The following NFS1 variants were observed in gnomAD, a reference collection of about 807,000 sequenced individuals.
NFS1 encodes the protein cysteine desulfurase.
In NFS1, 26 loss-of-function variants were observed where a neutral mutation model predicts 57.3. The observed-to-expected ratio is 0.45, with a 90% CI of 0.33 to 0.63. The LOEUF is 0.63. Among genes scored for constraint, NFS1 ranks in the 20% least tolerant of loss-of-function variants. The pLI is 0.02. For missense variants in NFS1, 505 were observed against 605.8 expected (o/e 0.83, Z 1.75); for synonymous variants, 209 against 216.3 (o/e 0.97, Z 0.30).
In NFS1 at chr20:35,675,211, C is replaced by A. The variant is rs199843651; in HGVS notation, c.791-9G>T. Reference sequence around the variant, plus strand: ...GTAGATGGCACCAACCCCTGGGAAACAAAATTTGTTACAAAAAACAGAAAG... The same window carrying A: ...GTAGATGGCACCAACCCCTGGGAAAAAAAATTTGTTACAAAAAACAGAAAG... On this transcript the variant is annotated splice_polypyrimidine_tract_variant and intron_variant, in intron 7 of 12. Transcript: ENST00000374092. 1.4e-4 allele frequency: 227 copies of A among 1,578,726 alleles called. 1 individual carries two copies. In the East Asian group the frequency reaches 4.9e-3, roughly 34 times the overall value.
intron 7 of NFS1, chr20:35,675,984 T>A (rs1187042874): frequency 1.4e-4 from 21 of 151,888 alleles, no homozygotes; most frequent in Admixed American, 9.8e-4. Flanking sequence ...TACTTTAGCT[T>A]GAAAAAACAA....
At chr20:35,696,118 A>G (rs2035129727) in intron 4 of NFS1, among the ~76,000 whole-genome samples, 1 of 152,180 alleles carries the variant, frequency 6.6e-6, no homozygotes. Flanking sequence ...AAAAAAAAAC[A>G]AGTGGTTAAT....
At chr20:35,696,541 G>T in intron 3 of NFS1, 81 bp from the exon 4 acceptor site, 1 of 975,568 alleles carries the variant, frequency 1.0e-6, no homozygotes, top group Non-Finnish European at 1.6e-6. Flanking sequence ...GACAGCCCTG[G>T]AGCAAGAAGA....
intron 2 of NFS1, among the ~76,000 whole-genome samples, chr20:35,698,201 T>A (rs1373963846): frequency 1.3e-5 from 2 of 152,196 alleles, no homozygotes; most frequent in Non-Finnish European, 2.9e-5. Flanking sequence ...CTTGTCCAAG[T>A]TCACACAGTT....
At chr20:35,677,353 G>A (rs1024266778) in intron 7 of NFS1, among the ~76,000 whole-genome samples, 3 of 151,728 alleles carry the variant, frequency 2.0e-5, no homozygotes, top group Non-Finnish European at 4.4e-5. Flanking sequence ...GAAACACAGT[G>A]AGACCCCGTG....
chr20:35,684,822 G>T (rs1387481887), intron 5 of NFS1, among the ~76,000 whole-genome samples: 1 of 151,852 alleles, frequency 6.6e-6, no homozygotes, highest in East Asian at 1.9e-4. Context: ...CTAGCACTTT[G>T]GGAGGCTGAG....
In NFS1 at chr20:35,675,138, C is replaced by T. The variant is rs765489598; in HGVS notation, c.855G>A (p.Gly285=). ...RVRVEALQSG[G]GQERGMRSGT... ...CAGACCGCATACCCCGCTCCTGCCCCCCTCCACTCTGCAGGGCCTCCACAC... is the reference window on the plus strand; with the variant it reads ...CAGACCGCATACCCCGCTCCTGCCCTCCTCCACTCTGCAGGGCCTCCACAC... Residue 285 remains glycine, a synonymous_variant, in exon 8 of 13, where the codon GGG becomes GGA. Transcript: ENST00000374092. 1.5e-5 allele frequency: 24 copies of T among 1,613,856 alleles called. No individual in the cohort carries two copies. The highest frequency in any genetic ancestry group is 1.9e-5 in the Non-Finnish European group (22 of 1,180,026).
chr20:35,692,870 C>G (rs1488680873), intron 4 of NFS1, among the ~76,000 whole-genome samples: 2 of 151,764 alleles, frequency 1.3e-5, no homozygotes, highest in Non-Finnish European at 2.9e-5. Flanking sequence ...GGTGTGGTAG[C>G]AGGCTCCTGT....
intron 7 of NFS1, 71 bp from the exon 8 acceptor site, chr20:35,675,273 A>G: frequency 7.0e-7 from 1 of 1,437,732 alleles, no homozygotes; most frequent in East Asian, 2.5e-5. Context: ...TTCTTTCCAA[A>G]GGGATCAAAA....
In NFS1 at chr20:35,697,960, C is replaced by G. The variant is rs2297849; in HGVS notation, c.208-160G>C. Among the ~76,000 whole-genome samples the G allele has an allele frequency of 3.0e-3, 459 of 152,308 alleles. 3 individuals carry two copies. The East Asian group carries it at 0.04, about 13-fold the overall frequency. On this transcript the variant is annotated intron_variant, in intron 2 of 12. Coordinates refer to ENST00000374092, the MANE Select transcript of NFS1 (RefSeq NM_021100.5). ...TCTTTTGTTCCCACAAAACTACCCACCAAATATCAACCTAATACACTCCCA... is the reference window on the plus strand; with the variant it reads ...TCTTTTGTTCCCACAAAACTACCCAGCAAATATCAACCTAATACACTCCCA...
chr20:35,681,985 G>A lies in NFS1; in HGVS notation c.562-4C>T. 6.4e-7 allele frequency: 1 copy of A among 1,562,304 alleles called. No homozygotes were observed. The highest frequency in any genetic ancestry group is 8.8e-7 in the Non-Finnish European group (1 of 1,133,230). On this transcript the variant is annotated splice_region_variant and splice_polypyrimidine_tract_variant and intron_variant, in intron 5 of 12. Transcript: ENST00000374092. Reference sequence around the variant, plus strand: ...GCTGGATAGCAGCCTCTAGTTCCTAGGGATATGCAGGAGTAAGGTGACTAG... The same window carrying A: ...GCTGGATAGCAGCCTCTAGTTCCTAAGGATATGCAGGAGTAAGGTGACTAG...
At position 35,669,557 on chromosome 20, in the gene NFS1, CTGGT is replaced by C; in HGVS notation, c.*61_*64del. On this transcript the variant is annotated 3_prime_UTR_variant, in exon 13 of 13. Transcript: ENST00000374092. ...GCATCCACTAGGTGTAACAAGGTGT[CTGGT>C]TGTGCACGGGTTGGTGAGGCAGGAG... 1 of 1,441,428 alleles carries C rather than the reference CTGGT, an allele frequency of 6.9e-7. No homozygotes were observed. The highest frequency in any genetic ancestry group is 1.4e-5 in the African/African-American group (1 of 71,846). The allele number at this position is 1,441,428 out of a possible 1,614,324, so 89.3% of individuals were successfully genotyped here. A position where few individuals can be genotyped will look rare whatever the true frequency, so the allele number is the denominator to read the frequency against.
At chr20:35,684,420 TA>T (rs1430734676) in intron 5 of NFS1, among the ~76,000 whole-genome samples, 2 of 105,816 alleles carry the variant, frequency 1.9e-5, no homozygotes, top group Non-Finnish European at 3.8e-5. Context: ...ATAAATAAAA[TA>T]AAATAAAATA....
At chr20:35,669,753 GCTCTGA>G in intron 12 of NFS1, 68 bp from the exon 13 acceptor site, 2 of 1,455,516 alleles carry the variant, frequency 1.4e-6, no homozygotes, top group South Asian at 2.3e-5. Context: ...TGGCCCCAAG[GCTCTGA>G]GCAATGGCTT....
chr20:35,698,090 G>A (rs1271037107), intron 2 of NFS1, among the ~76,000 whole-genome samples: 2 of 152,132 alleles, frequency 1.3e-5, no homozygotes, highest in Non-Finnish European at 2.9e-5. Context: ...TTCCTGCCAG[G>A]TAATGTGATC....
chr20:35,698,584 T>C lies in NFS1; in HGVS notation c.104A>G (p.Asp35Gly). The change falls in exon 2 of 13, where the codon GAC becomes GGC. Residue 35 changes from aspartate (D) to glycine (G), a missense_variant. Transcript: ENST00000374092. ...PTRGLRLRVG[D>G]RAPQSAVPAD... is the part of the protein sequence containing the mutation. ...GGGAACCGCAGACTGAGGAGCACGG[T>C]CTCCAACTGATAAAAAATGGAACGG... is the stretch of plus-strand genomic sequence containing the variant. The C allele has an allele frequency of 6.3e-7, 1 of 1,598,568 alleles. No homozygotes were observed.
At chr20:35,675,616 C>T (rs1011878831) in intron 7 of NFS1, 7 of 177,032 alleles carry the variant, frequency 4.0e-5, no homozygotes, top group African/African-American at 1.4e-4. Context: ...TGGTGGTTCA[C>T]GCCTATAATC....
chr20:35,674,445 A>G lies in NFS1; in HGVS notation c.1055-14T>C, dbSNP rs2034705106. 1.2e-6 allele frequency: 2 copies of G among 1,613,650 alleles called. No individual in the cohort carries two copies. Among genetic ancestry groups the G allele is most frequent in the African/African-American group, 1.3e-5 (1 of 74,904 alleles). On this transcript the variant is annotated splice_polypyrimidine_tract_variant and intron_variant, in intron 9 of 12. Coordinates refer to ENST00000374092, the MANE Select transcript of NFS1 (RefSeq NM_021100.5). Reference sequence around the variant, plus strand: ...GGTTGATACAGCCTGGAGGAAAGAAATACTGTGAGAGAGGTCTCAGAGTCT... The same window carrying G: ...GGTTGATACAGCCTGGAGGAAAGAAGTACTGTGAGAGAGGTCTCAGAGTCT...
chr20:35,689,298 A>C (rs958846928), intron 5 of NFS1, among the ~76,000 whole-genome samples: 20 of 151,588 alleles, frequency 1.3e-4, no homozygotes, highest in African/African-American at 4.9e-4. Flanking sequence ...GACCAGCCTG[A>C]CCAACATGGT....
Sources: allele counts gnomAD v4.1 joint callset (sites outside exome capture counted in the v4.1 genomes callset), GRCh38; gene constraint gnomAD v4.1.1; transcripts MANE v1.5; gene names NCBI Gene and HGNC (gene_info 2026-07-23, HGNC 2026-07-21).